TRIM66: variants seen among roughly 807,000 people sequenced by gnomAD.
TRIM66 encodes tripartite motif-containing protein 66.
Under a neutral mutation model 148.2 loss-of-function variants are expected in TRIM66, and 99 were observed. The ratio of observed to expected loss-of-function variants is 0.67; its 90% confidence interval spans 0.57 to 0.79. The LOEUF (loss-of-function observed/expected upper bound fraction) is 0.79. TRIM66 is among the 30% of genes least tolerant of loss of function. TRIM66 has a pLI of 0.00. For synonymous variants in TRIM66, 616 were observed against 635.9 expected, an observed-to-expected ratio of 0.97 and a Z score of 0.47; for missense variants, 1,666 against 1,697.9, an observed-to-expected ratio of 0.98 and a Z score of 0.33.
intron 6 of TRIM66, chr11:8,654,570 T>G (rs1158075705): frequency 6.6e-6 from 1 of 152,236 alleles, no homozygotes. Flanking sequence ...TAAATACCTG[T>G]TCATATGTCT....
At chr11:8,651,578 CA>C (rs1166768346) in intron 7 of TRIM66, among the ~76,000 whole-genome samples, 1 of 151,794 alleles carries the variant, frequency 6.6e-6, no homozygotes, top group South Asian at 2.1e-4. Context: ...GGGATTGACA[CA>C]AAAAAAAGTC....
chr11:8,672,253 A>G lies in TRIM66; in HGVS notation c.22T>C (p.Ser8Pro), dbSNP rs1265814497. 1.3e-6 allele frequency: 2 copies of G among 1,536,136 alleles called. No individual in the cohort carries two copies. The highest frequency in any genetic ancestry group is 3.9e-5 in the Admixed American group (2 of 51,002). ...CCTCAGCCTCAGTTCCTCACCTGGG[A>G]CCAAAAAGAGAGTCTAGCCATCTCT... MARLSFW[S>P]QGVELARSTR... is the part of the protein sequence containing the mutation. Residue 8 changes from serine (S) to proline (P), a missense_variant, in exon 5 of 25, where the codon TCC becomes CCC. Ser to Pro is a moderately conservative substitution (Grantham distance 74, BLOSUM62 -1). Transcript: ENST00000646038.
intron 6 of TRIM66, among the ~76,000 whole-genome samples, chr11:8,663,509 G>C (rs2038396003): frequency 6.6e-6 from 1 of 152,132 alleles, no homozygotes; most frequent in Non-Finnish European, 1.5e-5. Context: ...CAACATGAAT[G>C]CAGCCTCTAC....
rs2034107437 is a variant in TRIM66, at chr11:8,620,550, A to G, written c.3568T>C (p.Cys1190Arg). The change falls in exon 21 of 25, where the codon TGC (cysteine) becomes CGC (arginine). Residue 1190 changes from cysteine (C) to arginine (R), a missense_variant. By Grantham distance (180) the Cys-to-Arg change is radical. Around this residue, in one of 3 missense-constraint regions of TRIM66, gnomAD observed 31 missense variants for 54.4 expected, o/e 0.57. Transcript: ENST00000646038. Reference sequence around the variant, plus strand: ...ATCTCGGGCTGGGTCAGGCTGCGGCACAAGGTACACACCCACTCTCCCCTG... The same window carrying G: ...ATCTCGGGCTGGGTCAGGCTGCGGCGCAAGGTACACACCCACTCTCCCCTG... ...FPGGEWVCTL[C>R]RSLTQPEMEY... 6.4e-7 allele frequency: 1 copy of G among 1,551,646 alleles called. No homozygotes were observed. Among genetic ancestry groups the G allele is most frequent in the African/African-American group, 1.4e-5 (1 of 73,056 alleles).
intron 20 of TRIM66, 150 bp downstream of exon 20, chr11:8,620,882 A>T: frequency 2.8e-6 from 3 of 1,082,156 alleles, no homozygotes; most frequent in Non-Finnish European, 3.9e-6. Flanking sequence ...GAAGATACCC[A>T]GGCCCATTAA....
chr11:8,659,946 T>C (rs543036276), intron 6 of TRIM66, among the ~76,000 whole-genome samples: 1 of 152,192 alleles, frequency 6.6e-6, no homozygotes, highest in Admixed American at 6.6e-5. Context: ...GGCATGATCA[T>C]GGCTCACTGC....
chr11:8,620,539 C>T lies in TRIM66; in HGVS notation c.3579G>A (p.Leu1193=). The change falls in exon 21 of 25, where the codon CTG becomes CTA. Residue 1193 remains leucine, a synonymous_variant. Transcript: ENST00000646038. ...AGTCGTACTCCATCTCGGGCTGGGT[C>T]AGGCTGCGGCACAAGGTACACACCC... ...GEWVCTLCRS[L]TQPEMEYDCE... is the part of the protein sequence containing the mutation. 1 of 1,551,770 alleles carries T rather than the reference C, an allele frequency of 6.4e-7. No individual in the cohort carries two copies. Among genetic ancestry groups the T allele is most frequent in the Non-Finnish European group, 8.7e-7 (1 of 1,147,028 alleles).
Position 8,619,430 on chromosome 11 carries a change from C to T in TRIM66, c.3853G>A (p.Val1285Ile). The change falls in exon 23 of 25, where the codon GTA becomes ATA. Residue 1285 changes from valine to isoleucine, a missense_variant. Val to Ile is a conservative substitution (Grantham distance 29). Around this residue, in one of 3 missense-constraint regions of TRIM66, gnomAD observed 204 missense variants for 231.0 expected, o/e 0.88. Transcript: ENST00000646038. Reference protein sequence around the residue: ...PAHYTTPEEVVSDVRLMFWNC... With the variant: ...PAHYTTPEEVISDVRLMFWNC... ...CAGAACATGAGGCGCACATCTGATA[C>T]CACCTCCTCTGGGGTGGTATAGTGA... 6.5e-7 allele frequency: 1 copy of T among 1,545,188 alleles called. No individual in the cohort carries two copies.
upstream of TRIM66, chr11:8,682,964 C>A: frequency 8.8e-7 from 1 of 1,142,480 alleles, no homozygotes; most frequent in Non-Finnish European, 1.2e-6. Flanking sequence ...CGGCGCGGGC[C>A]CGGGGCGGGG....
intron 18 of TRIM66, among the ~76,000 whole-genome samples, chr11:8,622,365 CATATAT>C (rs1217954064): frequency 1.7e-5 from 1 of 59,574 alleles, no homozygotes; most frequent in Non-Finnish European, 3.9e-5. Flanking sequence ...CACACACACA[CATATAT>C]ATATATATAT....
In TRIM66 at chr11:8,672,281, C is replaced by T. The variant is rs959328997; in HGVS notation, c.-7G>A. ...AAAAAGAGAGTCTAGCCATCTCTGC[C>T]GTGGAAAACAAAGCGTGGAGGTGTC... On this transcript the variant is annotated 5_prime_UTR_variant, in exon 5 of 25. Transcript: ENST00000646038. The T allele has an allele frequency of 4.5e-5, 69 of 1,535,996 alleles. No individual in the cohort carries two copies. The African/African-American group carries it at 6.2e-4, about 14-fold the overall frequency.
intron 20 of TRIM66, 70 bp from the exon 21 acceptor site, chr11:8,620,642 C>G: frequency 1.3e-6 from 2 of 1,512,616 alleles, no homozygotes; most frequent in Non-Finnish European, 1.8e-6. Context: ...CTCCCTCTGC[C>G]CTATGGCAGG....
At chr11:8,676,451 A>G (rs1304374129) in intron 3 of TRIM66, among the ~76,000 whole-genome samples, 1 of 152,180 alleles carries the variant, frequency 6.6e-6, no homozygotes, top group Non-Finnish European at 1.5e-5. Context: ...CCCCCACCCC[A>G]TAAGGTCTAC....
intron 23 of TRIM66, 113 bp downstream of exon 23, chr11:8,619,270 G>C: frequency 2.4e-6 from 3 of 1,246,038 alleles, no homozygotes; most frequent in Non-Finnish European, 3.3e-6. Context: ...CCCAGAATCT[G>C]CTCCCCAGTC....
In TRIM66 at chr11:8,648,093, G is replaced by C. The variant is rs2037027016; in HGVS notation, c.726-7C>G. ...TTCTTCAACATGTCTGCACCTAGGG[G>C]ATGAGGCAGAGAAAAAGCTGAGAAG... On this transcript the variant is annotated splice_polypyrimidine_tract_variant and splice_region_variant and intron_variant, in intron 9 of 24. Coordinates refer to ENST00000646038, the MANE Select transcript of TRIM66 (RefSeq NM_001388022.1). 1 of 1,550,158 alleles carries C rather than the reference G, an allele frequency of 6.5e-7. No individual in the cohort carries two copies. Among genetic ancestry groups the C allele is most frequent in the African/African-American group, 1.4e-5 (1 of 73,018 alleles).
At chr11:8,648,624 C>T in intron 8 of TRIM66, 76 bp from the exon 9 acceptor site, 1 of 1,517,416 alleles carries the variant, frequency 6.6e-7, no homozygotes, top group Non-Finnish European at 8.9e-7. Context: ...TGCTGCACAG[C>T]TCTCAGCCTT....
rs750554174 is a variant in TRIM66, at chr11:8,642,971, C to G, written c.1222+38G>C. 2.0e-6 allele frequency: 3 copies of G among 1,475,242 alleles called. No individual in the cohort carries two copies. In the South Asian group the frequency reaches 3.9e-5, roughly 19 times the overall value. 91.4% of individuals were successfully genotyped at this position (1,475,242 alleles called of 1,614,324 possible). ...AGGTAAGCAATTAAGTCAAAGCCCACAGGGTGGGTAGGCCTGGGTGGGTGG... is the reference window on the plus strand; with the variant it reads ...AGGTAAGCAATTAAGTCAAAGCCCAGAGGGTGGGTAGGCCTGGGTGGGTGG... On this transcript the variant is annotated intron_variant, in intron 13 of 24. Transcript: ENST00000646038.
At chr11:8,667,220 G>A (rs190781129) in intron 6 of TRIM66, among the ~76,000 whole-genome samples, 1 of 152,202 alleles carries the variant, frequency 6.6e-6, no homozygotes, top group Admixed American at 6.5e-5. Flanking sequence ...TCAAAGACCT[G>A]AACTTAAGAG....
intron 15 of TRIM66, among the ~76,000 whole-genome samples, chr11:8,630,990 C>T (rs2035339194): frequency 6.6e-6 from 1 of 152,164 alleles, no homozygotes; most frequent in South Asian, 2.1e-4. Flanking sequence ...TCTTACCACC[C>T]AGATGTGTTT....
Sources: gnomAD v4.1 joint callset for allele counts (sites outside exome capture counted in the v4.1 genomes callset) on GRCh38, gnomAD v4.1.1 for gene constraint, gnomAD v4.1.1 regional missense constraint, MANE v1.5 for transcripts, NCBI Gene and HGNC (gene_info 2026-07-23, HGNC 2026-07-21) for gene names.